The following ATL1 variants were observed in gnomAD, a reference collection of about 807,000 sequenced individuals.
The protein encoded by ATL1 is atlastin-1.
ATL1 carries 31 observed loss-of-function variants against 75.5 expected under a neutral mutation model. That is an observed-to-expected ratio of 0.41 (90% CI 0.31 to 0.55). The LOEUF (loss-of-function observed/expected upper bound fraction) is 0.55. Ranked by LOEUF, ATL1 falls within the 20% of genes least tolerant of loss-of-function variation. The pLI is 0.27. For synonymous variants in ATL1, 226 were observed against 233.3 expected, an observed-to-expected ratio of 0.97 and a Z score of 0.28; for missense variants, 405 against 662.6, an observed-to-expected ratio of 0.61 and a Z score of 4.27.
chr14:50,586,208 T>G (rs949645815), intron 1 of ATL1, among the ~76,000 whole-genome samples: 27 of 152,308 alleles, frequency 1.8e-4, no homozygotes, highest in African/African-American at 6.3e-4. Context: ...AAGAGTCCAG[T>G]TTGTTTCAAA....
upstream of ATL1, among the ~76,000 whole-genome samples, chr14:50,555,739 G>A (rs2038757981): frequency 6.6e-6 from 1 of 152,188 alleles, no homozygotes; most frequent in African/African-American, 2.4e-5. Flanking sequence ...TGATACCACT[G>A]AGCTGATGAA....
chr14:50,630,797 A>G, intron 13 of ATL1: 1 of 329,916 alleles, frequency 3.0e-6, no homozygotes, highest in East Asian at 9.5e-5. Flanking sequence ...AAGTTCATTA[A>G]AAAAGCAAAA....
At chr14:50,560,135 C>A, upstream of ATL1, 1 of 1,075,766 alleles carries the variant, frequency 9.3e-7, no homozygotes, top group Non-Finnish European at 1.4e-6. Context: ...AGCGCCACAG[C>A]AACATCCTCA....
intron 2 of ATL1, among the ~76,000 whole-genome samples, chr14:50,588,692 T>C (rs1223191163): frequency 6.6e-6 from 1 of 151,976 alleles, no homozygotes; most frequent in Non-Finnish European, 1.5e-5. Context: ...ATCAATACCA[T>C]CCTGGCCAAC....
chr14:50,598,307 A>G (rs1476660318), intron 6 of ATL1, among the ~76,000 whole-genome samples: 2 of 152,244 alleles, frequency 1.3e-5, no homozygotes, highest in African/African-American at 4.8e-5. Flanking sequence ...TACAACTCAT[A>G]TGGAAGAATT....
intron 1 of ATL1, among the ~76,000 whole-genome samples, chr14:50,585,768 G>A (rs1277053949): frequency 6.6e-6 from 1 of 152,222 alleles, no homozygotes; most frequent in South Asian, 2.1e-4. Flanking sequence ...GTAAGGCTGG[G>A]ATTTAAACAA....
chr14:50,582,211 A>G (rs868382795), intron 1 of ATL1, among the ~76,000 whole-genome samples: 13 of 151,590 alleles, frequency 8.6e-5, no homozygotes, highest in Non-Finnish European at 1.6e-4. Context: ...CCCGGGAGGC[A>G]GAGGTTGCAG....
intron 6 of ATL1, among the ~76,000 whole-genome samples, chr14:50,595,913 C>G (rs1002489954): frequency 2.6e-5 from 4 of 151,462 alleles, no homozygotes; most frequent in Non-Finnish European, 5.9e-5. Flanking sequence ...CTCAAAGTGA[C>G]TCTCAAAGTG....
chr14:50,597,206 C>G, intron 6 of ATL1, among the ~76,000 whole-genome samples: 1 of 25,994 alleles, frequency 3.8e-5, no homozygotes, highest in East Asian at 1.0e-3. Flanking sequence ...AAGACTCTGT[C>G]TCAAAAAAAC....
chr14:50,626,077 AAT>A (rs1334597271), intron 11 of ATL1, among the ~76,000 whole-genome samples: 1 of 152,254 alleles, frequency 6.6e-6, no homozygotes, highest in African/African-American at 2.4e-5. Context: ...GCTCGTTGGC[AAT>A]GACCTTATTC....
chr14:50,580,238 T>C (rs979285221), intron 1 of ATL1, among the ~76,000 whole-genome samples: 4 of 152,194 alleles, frequency 2.6e-5, no homozygotes, highest in Non-Finnish European at 5.9e-5. Flanking sequence ...AAAACTGCTA[T>C]AAACATATTT....
chr14:50,629,384 C>A (rs920894988), intron 12 of ATL1, among the ~76,000 whole-genome samples: 1 of 152,062 alleles, frequency 6.6e-6, no homozygotes, highest in Non-Finnish European at 1.5e-5. Flanking sequence ...GAGTTTGAGA[C>A]CAGCCTGGCC....
intron 6 of ATL1, among the ~76,000 whole-genome samples, chr14:50,610,563 G>A (rs751095630): frequency 1.4e-3 from 206 of 152,068 alleles, no homozygotes; most frequent in Non-Finnish European, 2.6e-3. Flanking sequence ...ACAGTGAAAG[G>A]ATTTTTGATG....
intron 1 of ATL1, among the ~76,000 whole-genome samples, chr14:50,577,069 G>T (rs967020080): frequency 3.3e-5 from 5 of 152,002 alleles, no homozygotes; most frequent in Non-Finnish European, 7.4e-5. Context: ...TTGTTTGTTT[G>T]TTTTTGTTTT....
chr14:50,602,332 G>T (rs2039279234), intron 6 of ATL1, among the ~76,000 whole-genome samples: 2 of 152,158 alleles, frequency 1.3e-5, no homozygotes, highest in Admixed American at 1.3e-4. Flanking sequence ...TCCGTCATGT[G>T]CTAACAACAG....
chr14:50,628,780 G>A (rs1308613523), intron 12 of ATL1, among the ~76,000 whole-genome samples: 2 of 152,138 alleles, frequency 1.3e-5, no homozygotes, highest in Non-Finnish European at 2.9e-5. Flanking sequence ...GCAGTGGCGT[G>A]ATCTCAGCTC....
intron 1 of ATL1, among the ~76,000 whole-genome samples, chr14:50,585,792 CCAGCACCT>C (rs1481973495): frequency 6.6e-6 from 1 of 152,110 alleles, no homozygotes; most frequent in East Asian, 1.9e-4. Context: ...CTCTCTGACT[CCAGCACCT>C]GTGAAATGGC....
chr14:50,535,586 G>A (rs1471529933), intron 1 of ATL1, among the ~76,000 whole-genome samples: 1 of 71,448 alleles, frequency 1.4e-5, no homozygotes, highest in Non-Finnish European at 3.7e-5. Flanking sequence ...TTAAACTATT[G>A]TTTTACTAAT....
At chr14:50,572,855 C>A (rs191187774) in intron 1 of ATL1, among the ~76,000 whole-genome samples, 6 of 151,818 alleles carry the variant, frequency 4.0e-5, no homozygotes, top group Admixed American at 3.9e-4. Context: ...AAGGATATAC[C>A]CTAGACTAGG....
Sources: allele counts gnomAD v4.1 joint callset (sites outside exome capture counted in the v4.1 genomes callset), GRCh38; gene constraint gnomAD v4.1.1; transcripts MANE v1.5; gene names NCBI Gene and HGNC (gene_info 2026-07-23, HGNC 2026-07-21).